The following SYN3 variants were observed in gnomAD, a reference collection of about 807,000 sequenced individuals.
The protein encoded by SYN3 is synapsin-3.
SYN3 carries 35 observed loss-of-function variants against 65.8 expected under a neutral mutation model. The observed-to-expected ratio is 0.53, with a 90% confidence interval of 0.41 to 0.70. SYN3 has a LOEUF of 0.70. Among genes scored for constraint, SYN3 ranks in the 30% least tolerant of loss-of-function variants. The pLI is 0.00. For missense variants in SYN3, 680 were observed against 749.0 expected (o/e 0.91, Z 1.08); for synonymous variants, 270 against 292.9 (o/e 0.92, Z 0.80).
chr22:32,774,720 G>A (rs888226004), intron 6 of SYN3, among the ~76,000 whole-genome samples: 7 of 152,014 alleles, frequency 4.6e-5, no homozygotes, highest in African/African-American at 1.4e-4. Flanking sequence ...TCAGCCTCCC[G>A]AGTAGCTGGG....
intron 6 of SYN3, among the ~76,000 whole-genome samples, chr22:32,668,973 C>T (rs1313059001): frequency 6.6e-6 from 1 of 152,178 alleles, no homozygotes; most frequent in African/African-American, 2.4e-5. Flanking sequence ...ACAAAGGAGA[C>T]ATTGAATAAA....
In SYN3 at chr22:32,796,715, A is replaced by C. The variant is rs541471157; in HGVS notation, c.711+68200T>G. Among the ~76,000 whole-genome samples, 54 of 152,254 alleles carry C rather than the reference A, an allele frequency of 3.5e-4. 1 individual carries two copies. The South Asian group carries it at 0.01, about 29-fold the overall frequency. ...TGGACGGTGGGGCTTGGGGGAAGGC[A>C]TCGTGGCTAGGGTCTGGAGGGGAAG... is the stretch of plus-strand genomic sequence containing the variant. On this transcript the variant is annotated intron_variant, in intron 6 of 13. Coordinates refer to ENST00000358763, the MANE Select transcript of SYN3 (RefSeq NM_003490.4).
intron 6 of SYN3, among the ~76,000 whole-genome samples, chr22:32,773,406 C>CAAAAAAAAA (rs61583056): frequency 1.1e-5 from 1 of 91,176 alleles, no homozygotes; most frequent in Non-Finnish European, 2.1e-5. Flanking sequence ...GACTCTGTCT[C>CAAAAAAAAA]AAAAAAAAAA....
intron 1 of SYN3, among the ~76,000 whole-genome samples, chr22:33,049,251 A>G (rs73162102): frequency 6.6e-6 from 1 of 152,190 alleles, no homozygotes; most frequent in Non-Finnish European, 1.5e-5. Flanking sequence ...AGGAAGTTAC[A>G]GATTGCCAAG....
intron 6 of SYN3, among the ~76,000 whole-genome samples, chr22:32,664,425 C>T (rs2060259945): frequency 6.6e-6 from 1 of 152,084 alleles, no homozygotes; most frequent in Non-Finnish European, 1.5e-5. Context: ...TCTTTCTTGA[C>T]CTAACAGCAG....
chr22:32,793,801 A>T (rs1326906255), intron 6 of SYN3, among the ~76,000 whole-genome samples: 10 of 152,256 alleles, frequency 6.6e-5, no homozygotes, highest in Non-Finnish European at 1.5e-4. Context: ...GAAGCCATAC[A>T]TTCATGCACC....
At chr22:32,581,200 C>T (rs1167824615) in intron 7 of SYN3, among the ~76,000 whole-genome samples, 1 of 152,178 alleles carries the variant, frequency 6.6e-6, no homozygotes, top group African/African-American at 2.4e-5. Flanking sequence ...ACCTCTGCCT[C>T]CCAGGTTCAA....
chr22:32,665,614 A>G (rs1044903924), intron 6 of SYN3, among the ~76,000 whole-genome samples: 2 of 151,942 alleles, frequency 1.3e-5, no homozygotes, highest in African/African-American at 2.4e-5. Flanking sequence ...AGCAGAATTT[A>G]ATCACGCGCT....
Position 32,563,345 on chromosome 22 carries a change from G to T in SYN3, c.775-21632C>A, listed in dbSNP as rs112394424. On this transcript the variant is annotated intron_variant, in intron 7 of 13. Transcript: ENST00000358763. Reference sequence around the variant, plus strand: ...AGTACACCAGCAGATTACAGATGGGGCCCCAGAATTCTGCATAAACACAGT... The same window carrying T: ...AGTACACCAGCAGATTACAGATGGGTCCCCAGAATTCTGCATAAACACAGT... Among the ~76,000 whole-genome samples, 105 of 152,340 alleles carry T rather than the reference G, an allele frequency of 6.9e-4. 2 individuals are homozygous for T. The highest frequency in any genetic ancestry group is 1.9e-3 in the African/African-American group (78 of 41,586).
intron 1 of SYN3, among the ~76,000 whole-genome samples, chr22:33,027,413 AT>A (rs2053656730): frequency 6.6e-6 from 1 of 152,062 alleles, no homozygotes; most frequent in African/African-American, 2.4e-5. Context: ...CCTGGCCAAC[AT>A]GGTGAAACCC....
intron 3 of SYN3, among the ~76,000 whole-genome samples, chr22:32,978,873 C>G (rs2052288069): frequency 6.6e-6 from 1 of 151,996 alleles, no homozygotes; most frequent in Non-Finnish European, 1.5e-5. Flanking sequence ...AGTGTGCTAC[C>G]ATCATCAATG....
In SYN3 at chr22:32,527,951, G is replaced by A; in HGVS notation, c.1285C>T (p.Leu429=). 6.3e-7 allele frequency: 1 copy of A among 1,591,260 alleles called. No individual in the cohort carries two copies. ...SPGQAQLGPQ[L]GQPQPRPPPQ... is the part of the protein sequence containing the mutation. ...GGTGGGCGTGGCTGGGGCTGGCCTA[G>A]CTGAGGCCCCAGCTGGGCTTGCCCT... is the stretch of plus-strand genomic sequence containing the variant. The change falls in exon 12 of 14, where the codon CTA becomes TTA. Residue 429 remains leucine, a synonymous_variant. Transcript: ENST00000358763.
chr22:32,622,637 G>T (rs2059611314), intron 6 of SYN3, among the ~76,000 whole-genome samples: 1 of 151,644 alleles, frequency 6.6e-6, no homozygotes, highest in African/African-American at 2.4e-5. Flanking sequence ...AGCTGGGAGG[G>T]GCTTCCAGAT....
chr22:32,640,230 A>G (rs1341092994), intron 6 of SYN3, among the ~76,000 whole-genome samples: 3 of 152,108 alleles, frequency 2.0e-5, no homozygotes, highest in Non-Finnish European at 4.4e-5. Context: ...CCATACTCCC[A>G]GGAATGAACC....
At chr22:32,532,792 C>G (rs1330743704) in intron 10 of SYN3, among the ~76,000 whole-genome samples, 2 of 152,202 alleles carry the variant, frequency 1.3e-5, no homozygotes, top group Admixed American at 6.5e-5. Context: ...CCGCCCACAC[C>G]CCGGGGAGGG....
chr22:32,640,963 T>A (rs2059888572), intron 6 of SYN3, among the ~76,000 whole-genome samples: 1 of 152,188 alleles, frequency 6.6e-6, no homozygotes, highest in African/African-American at 2.4e-5. Flanking sequence ...GCATCGGGCT[T>A]CAAGTCAGAA....
intron 6 of SYN3, among the ~76,000 whole-genome samples, chr22:32,730,311 T>C (rs1424874050): frequency 6.6e-6 from 1 of 152,206 alleles, no homozygotes; most frequent in African/African-American, 2.4e-5. Flanking sequence ...TGTGCTTTAA[T>C]TGGTTCCCAT....
chr22:32,987,533 C>G (rs1045107680), intron 2 of SYN3, among the ~76,000 whole-genome samples: 12 of 152,276 alleles, frequency 7.9e-5, no homozygotes, highest in Middle Eastern at 3.4e-3. Context: ...TCTCAGTCCT[C>G]CATGCAATTA....
Position 32,968,151 on chromosome 22 carries a change from A to C in SYN3, c.369+12494T>G, listed in dbSNP as rs182977470. On this transcript the variant is annotated intron_variant, in intron 3 of 13. Coordinates refer to ENST00000358763, the MANE Select transcript of SYN3 (RefSeq NM_003490.4). ...CATGTGGGTCTGACTCCATCCTCTC[A>C]GTCTTAAGAAAAATAGGTCATCTCT... 5.2e-3 allele frequency among the ~76,000 whole-genome samples: 792 copies of C among 152,336 alleles called. 2 individuals are homozygous for C. The highest frequency in any genetic ancestry group is 8.5e-3 in the Non-Finnish European group (580 of 68,024).
Sources: allele counts gnomAD v4.1 joint callset (sites outside exome capture counted in the v4.1 genomes callset), GRCh38; gene constraint gnomAD v4.1.1; transcripts MANE v1.5; gene names NCBI Gene and HGNC (gene_info 2026-07-23, HGNC 2026-07-21).